Variants in INPP4B observed in about 807,000 individuals in gnomAD.
INPP4B encodes inositol polyphosphate-4-phosphatase type II B.
In INPP4B, 55 loss-of-function variants were observed where a neutral mutation model predicts 122.5. The observed-to-expected ratio is 0.45, with a 90% CI of 0.36 to 0.56. The LOEUF is 0.56. Among genes scored for constraint, INPP4B ranks in the 20% least tolerant of loss-of-function variants. INPP4B has a pLI of 0.00. For synonymous variants in INPP4B, 403 were observed against 388.7 expected, an observed-to-expected ratio of 1.04 and a Z score of -0.43; for missense variants, 1,000 against 1,097.7, an observed-to-expected ratio of 0.91 and a Z score of 1.26.
chr4:142,812,939 G>C (rs7668786), intron 1 of INPP4B, among the ~76,000 whole-genome samples: 36,492 of 152,078 alleles, frequency 0.24, 4,614 homozygotes, highest in South Asian at 0.34. Context: ...AAAATAAAAG[G>C]CTTTGCTATG....
intron 2 of INPP4B, among the ~76,000 whole-genome samples, chr4:142,529,737 T>G (rs1827359323): frequency 6.6e-6 from 1 of 152,056 alleles, no homozygotes; most frequent in Non-Finnish European, 1.5e-5. Context: ...AAATTTTGAT[T>G]TTTTTGACCA....
intron 1 of INPP4B, among the ~76,000 whole-genome samples, chr4:142,801,831 G>C (rs1403609954): frequency 6.6e-6 from 1 of 152,146 alleles, no homozygotes; most frequent in Non-Finnish European, 1.5e-5. Flanking sequence ...GAGCAGGATA[G>C]ACTAAAATAA....
chr4:142,618,706 G>A (rs1390399948), intron 2 of INPP4B, among the ~76,000 whole-genome samples: 2 of 151,908 alleles, frequency 1.3e-5, no homozygotes, highest in Non-Finnish European at 2.9e-5. Flanking sequence ...CCAAAGCATA[G>A]GCAATGAATG....
intron 2 of INPP4B, among the ~76,000 whole-genome samples, chr4:142,465,862 C>T (rs937079852): frequency 5.9e-5 from 9 of 152,184 alleles, no homozygotes; most frequent in Non-Finnish European, 8.8e-5. Context: ...TGCTCCCTCT[C>T]TCACCATCTA....
rs1029465758 is a variant in INPP4B, at chr4:142,464,152, T to C, written c.-190-1426A>G. Among the ~76,000 whole-genome samples the C allele has an allele frequency of 6.6e-5, 10 of 152,262 alleles. No homozygotes were observed. In the South Asian group the frequency reaches 2.1e-3, roughly 32 times the overall value. ...AGAGTTTGGGCATTTTACTACTATATATCATGCTATTTATAAAACAATTTA... is the reference window on the plus strand; with the variant it reads ...AGAGTTTGGGCATTTTACTACTATACATCATGCTATTTATAAAACAATTTA... On this transcript the variant is annotated intron_variant, in intron 2 of 25. Coordinates refer to ENST00000262992, the MANE Select transcript of INPP4B (RefSeq NM_001101669.3).
intron 25 of INPP4B, among the ~76,000 whole-genome samples, chr4:142,053,527 C>G (rs1755791058): frequency 1.3e-5 from 2 of 152,062 alleles, no homozygotes; most frequent in African/African-American, 4.8e-5. Context: ...TGACTTAGTC[C>G]TAGGTCCCAA....
intron 2 of INPP4B, among the ~76,000 whole-genome samples, chr4:142,641,084 T>C (rs2150479642): frequency 6.6e-6 from 1 of 152,136 alleles, no homozygotes; most frequent in Middle Eastern, 3.4e-3. Context: ...TATAATACTA[T>C]CATAAATGCA....
At chr4:142,519,856 G>A (rs985023947) in intron 2 of INPP4B, among the ~76,000 whole-genome samples, 7 of 151,906 alleles carry the variant, frequency 4.6e-5, no homozygotes, top group Non-Finnish European at 8.8e-5. Context: ...AGACTAAAAC[G>A]ACAAAGCAGA....
intron 3 of INPP4B, among the ~76,000 whole-genome samples, chr4:142,446,345 C>T (rs1034681855): frequency 6.6e-6 from 1 of 151,680 alleles, no homozygotes; most frequent in African/African-American, 2.4e-5. Flanking sequence ...AAACTAAAAC[C>T]AAATTATATA....
At chr4:142,255,722 C>A (rs1306461988) in intron 11 of INPP4B, among the ~76,000 whole-genome samples, 1 of 152,134 alleles carries the variant, frequency 6.6e-6, no homozygotes, top group Non-Finnish European at 1.5e-5. Context: ...GAGTGACCTA[C>A]AAAGAGACTT....
intron 1 of INPP4B, among the ~76,000 whole-genome samples, chr4:142,753,091 ACTTTT>A (rs1769973709): frequency 6.6e-6 from 1 of 152,096 alleles, no homozygotes; most frequent in South Asian, 2.1e-4. Flanking sequence ...CAGAATCAGA[ACTTTT>A]TAGTAAGAAT....
intron 7 of INPP4B, among the ~76,000 whole-genome samples, chr4:142,373,282 G>T (rs1019647653): frequency 1.3e-5 from 2 of 151,976 alleles, no homozygotes; most frequent in Non-Finnish European, 2.9e-5. Flanking sequence ...ACCTTTTAAG[G>T]TTCTGACAAC....
intron 2 of INPP4B, among the ~76,000 whole-genome samples, chr4:142,526,239 C>T (rs945422405): frequency 1.3e-5 from 2 of 151,892 alleles, no homozygotes; most frequent in Non-Finnish European, 2.9e-5. Context: ...ATTTAAAAGC[C>T]CTTTTATCTT....
intron 2 of INPP4B, among the ~76,000 whole-genome samples, chr4:142,611,059 G>T (rs527511718): frequency 2.0e-5 from 3 of 152,268 alleles, no homozygotes; most frequent in East Asian, 1.9e-4. Flanking sequence ...GAATGATGCT[G>T]GTATCCACCT....
intron 25 of INPP4B, among the ~76,000 whole-genome samples, chr4:142,067,608 A>G (rs1764302047): frequency 1.3e-5 from 2 of 152,228 alleles, no homozygotes; most frequent in African/African-American, 4.8e-5. Flanking sequence ...ATGGCTAACT[A>G]GAATAAACGG....
intron 7 of INPP4B, among the ~76,000 whole-genome samples, chr4:142,368,652 T>C (rs1365351188): frequency 6.6e-6 from 1 of 151,652 alleles, no homozygotes; most frequent in East Asian, 1.9e-4. Flanking sequence ...AGTGTTGAAA[T>C]GTATGTTTGT....
chr4:142,355,343 A>T (rs374551807), intron 7 of INPP4B, among the ~76,000 whole-genome samples: 2 of 151,996 alleles, frequency 1.3e-5, no homozygotes, highest in Non-Finnish European at 2.9e-5. Context: ...CAGGAAGTTG[A>T]ATGAGATGCA....
chr4:142,096,100 A>C (rs553309256), intron 23 of INPP4B: 5 of 152,308 alleles, frequency 3.3e-5, no homozygotes, highest in African/African-American at 9.6e-5. Context: ...TGAGCTTTCA[A>C]TTGAATTTAT....
chr4:142,373,897 A>G (rs1790837844), intron 7 of INPP4B, among the ~76,000 whole-genome samples: 1 of 151,944 alleles, frequency 6.6e-6, no homozygotes, highest in African/African-American at 2.4e-5. Flanking sequence ...TATAAATAAA[A>G]ATCATGTAAT....
Sources: allele counts gnomAD v4.1 joint callset (sites outside exome capture counted in the v4.1 genomes callset), GRCh38; gene constraint gnomAD v4.1.1; transcripts MANE v1.5; gene names NCBI Gene and HGNC (gene_info 2026-07-23, HGNC 2026-07-21).